The following GCNA variants were observed in gnomAD, a reference collection of about 807,000 sequenced individuals.
GCNA encodes germ cell nuclear acidic peptidase, also known as germ cell nuclear acidic protein.
In GCNA, 3 loss-of-function variants were observed where a neutral mutation model predicts 38.8. That is an observed-to-expected ratio of 0.08 (90% confidence interval 0.04 to 0.20). GCNA has a LOEUF of 0.20. Ranked by LOEUF, GCNA falls within the 10% of genes least tolerant of loss-of-function variation. The pLI, the probability that GCNA is intolerant of heterozygous loss-of-function variation, is 1.00. For synonymous variants in GCNA, 195 were observed against 240.2 expected, an observed-to-expected ratio of 0.81 and a Z score of 1.74; for missense variants, 446 against 578.6, an observed-to-expected ratio of 0.77 and a Z score of 2.35.
chrX:71,594,106 G>A (rs771735733), intron 4 of GCNA, among the ~76,000 whole-genome samples: 33 of 112,367 alleles, frequency 2.9e-4, no homozygotes, highest in African/African-American at 8.1e-4. Flanking sequence ...CATTCTTCCC[G>A]TGTTTTTGAT....
chrX:71,593,888 T>C (rs2040649420), intron 4 of GCNA, among the ~76,000 whole-genome samples: 2 of 108,448 alleles, frequency 1.8e-5, no homozygotes, highest in African/African-American at 6.7e-5. Context: ...TCTTGCTGTG[T>C]CGCCCACACT....
intron 9 of GCNA, among the ~76,000 whole-genome samples, chrX:71,606,841 G>A (rs1477939561): frequency 8.9e-6 from 1 of 112,083 alleles, no homozygotes; most frequent in African/African-American, 3.2e-5. Flanking sequence ...TAACTCCCAG[G>A]TTACTTTGCT....
intron 6 of GCNA, among the ~76,000 whole-genome samples, chrX:71,596,264 A>G (rs1178390108): frequency 1.8e-5 from 2 of 112,201 alleles, no homozygotes; most frequent in Non-Finnish European, 3.8e-5. Context: ...GAAATTCTAG[A>G]GCCAAATAAT....
At chrX:71,578,912 GGA>G in intron 1 of GCNA, among the ~76,000 whole-genome samples, 1 of 106,552 alleles carries the variant, frequency 9.4e-6, no homozygotes. Context: ...AGTGGCGGGT[GGA>G]GAGAAGTAGG....
At chrX:71,605,459 A>C (rs1359987691) in intron 8 of GCNA, among the ~76,000 whole-genome samples, 1 of 112,754 alleles carries the variant, frequency 8.9e-6, no homozygotes, top group Non-Finnish European at 1.9e-5. Context: ...TGCCCAGCTC[A>C]TGCTGCTGGC....
Position 71,604,263 on chromosome X carries a change from G to C in GCNA, c.986G>C (p.Ser329Thr), listed in dbSNP as rs201630116. Residue 329 changes from serine to threonine, a missense_variant, in exon 8 of 13, where the codon AGT becomes ACT. This residue lies in a region of GCNA where 160 missense variants were observed against 165.2 expected (regional missense o/e 0.97). Coordinates refer to ENST00000373696, the MANE Select transcript of GCNA (RefSeq NM_052957.5). Reference sequence around the variant, plus strand: ...GATTCGGATGTTCCCGATGACAATAGTGATGATTTGGAAGTTCCTGTGCCA... The same window carrying C: ...GATTCGGATGTTCCCGATGACAATACTGATGATTTGGAAGTTCCTGTGCCA... ...SDDSDVPDDN[S>T]DDLEVPVPAE... The C allele has an allele frequency of 8.3e-7, 1 of 1,211,452 alleles. No individual in the cohort carries two copies. Among genetic ancestry groups the C allele is most frequent in the East Asian group, 3.0e-5 (1 of 33,824 alleles).
At chrX:71,597,184 C>A (rs1481589772) in intron 6 of GCNA, among the ~76,000 whole-genome samples, 1 of 111,876 alleles carries the variant, frequency 8.9e-6, no homozygotes, top group Non-Finnish European at 1.9e-5. Context: ...AGCAAAGGCA[C>A]ATCAACTTGG....
chrX:71,588,995 T>C (rs1483280999), intron 2 of GCNA, among the ~76,000 whole-genome samples: 1 of 107,682 alleles, frequency 9.3e-6, no homozygotes. Flanking sequence ...CTTGAGTAGC[T>C]GGGAGGATCC....
intron 6 of GCNA, among the ~76,000 whole-genome samples, chrX:71,596,015 A>T (rs1322552639): frequency 8.9e-6 from 1 of 112,042 alleles, no homozygotes; most frequent in Non-Finnish European, 1.9e-5. Flanking sequence ...CAGGAGTTCA[A>T]GACCAGCCTG....
chrX:71,612,015 G>A (rs2040814225), intron 11 of GCNA, among the ~76,000 whole-genome samples: 1 of 108,768 alleles, frequency 9.2e-6, no homozygotes, highest in African/African-American at 3.4e-5. Flanking sequence ...GCTCACGCCT[G>A]TAATCCCAGC....
intron 2 of GCNA, among the ~76,000 whole-genome samples, chrX:71,586,398 C>T (rs2040585950): frequency 9.1e-6 from 1 of 110,191 alleles, no homozygotes; most frequent in Non-Finnish European, 1.9e-5. Flanking sequence ...AATAATGTGT[C>T]TTAGATGAAA....
rs149838487 is a variant in GCNA at position 71,582,770 on chromosome X, C to T, written c.59+1890C>T. Among the ~76,000 whole-genome samples, 1,096 of 111,931 alleles carry T rather than the reference C, an allele frequency of 9.8e-3. 13 individuals are homozygous for T. Among genetic ancestry groups the T allele is most frequent in the African/African-American group, 0.033 (1,004 of 30,829 alleles). Reference sequence around the variant, plus strand: ...TTTCCCCTTCTCCCATGGCCTTTCTCCCTGTAACCCATGCTAAATATTTAT... The same window carrying T: ...TTTCCCCTTCTCCCATGGCCTTTCTTCCTGTAACCCATGCTAAATATTTAT... On this transcript the variant is annotated intron_variant, in intron 2 of 12. Coordinates refer to ENST00000373696, the MANE Select transcript of GCNA (RefSeq NM_052957.5).
chrX:71,593,137 A>G (rs1208326287), intron 4 of GCNA, among the ~76,000 whole-genome samples: 13 of 111,674 alleles, frequency 1.2e-4, no homozygotes, highest in Non-Finnish European at 9.4e-5. Context: ...CAAGTGATCC[A>G]CCTGCCTTGG....
At chrX:71,612,641 C>A in intron 12 of GCNA, 82 bp downstream of exon 12, 1 of 931,141 alleles carries the variant, frequency 1.1e-6, no homozygotes, top group Non-Finnish European at 1.5e-6. Context: ...AAGTAGATGG[C>A]TGTCTGAACT....
intron 10 of GCNA, 86 bp from the exon 11 acceptor site, chrX:71,610,595 A>G (rs1327743990): frequency 4.5e-6 from 5 of 1,099,386 alleles, no homozygotes; most frequent in Middle Eastern, 2.5e-4. Context: ...CCTGGGCAAC[A>G]AGAGCTAAAA....
chrX:71,613,241 T>C lies in GCNA; in HGVS notation c.*259T>C. 3.1e-6 allele frequency: 1 copy of C among 321,278 alleles called. No individual in the cohort carries two copies. Among genetic ancestry groups the C allele is most frequent in the Non-Finnish European group, 5.4e-6 (1 of 184,746 alleles). The allele number at this position is 321,278 out of a possible 1,213,427, so 26.5% of individuals were successfully genotyped here. A position where few individuals can be genotyped will look rare whatever the true frequency, so the allele number is the denominator to read the frequency against. On this transcript the variant is annotated 3_prime_UTR_variant, in exon 13 of 13. Transcript: ENST00000373696. ...TGTTAGAATTTAAGATTCATGTTAT[T>C]AACGATGATTGACCTTAAATAGGGA...
intron 9 of GCNA, among the ~76,000 whole-genome samples, chrX:71,606,985 T>C (rs1045969049): frequency 1.8e-5 from 2 of 112,051 alleles, no homozygotes; most frequent in Non-Finnish European, 3.8e-5. Flanking sequence ...CTTCCTGTTA[T>C]GCTTAGCATT....
chrX:71,594,370 T>C lies in GCNA; in HGVS notation c.180T>C (p.Ser60=). 8.3e-7 allele frequency: 1 copy of C among 1,202,654 alleles called. No homozygotes were observed. The highest frequency in any genetic ancestry group is 1.8e-5 in the South Asian group (1 of 56,256). The change falls in exon 5 of 13, where the codon AGT becomes AGC. Residue 60 remains serine (S), a synonymous_variant. Coordinates refer to ENST00000373696, the MANE Select transcript of GCNA (RefSeq NM_052957.5). ...LNVQSRSGDT[S]GSSVARRAPK... ...TCCAGTCAAGGAGTGGTGACACCAG[T>C]GGGTCTTGTAAGTAGAGTCCACTCA...
intron 2 of GCNA, among the ~76,000 whole-genome samples, chrX:71,585,472 G>C (rs2040578854): frequency 9.0e-6 from 1 of 110,736 alleles, no homozygotes; most frequent in African/African-American, 3.3e-5. Flanking sequence ...TTGTGAATTT[G>C]GTTGACAGGA....
Sources: allele counts gnomAD v4.1 joint callset (sites outside exome capture counted in the v4.1 genomes callset), GRCh38; gene constraint gnomAD v4.1.1; regional missense constraint gnomAD v4.1.1; transcripts MANE v1.5; gene names NCBI Gene and HGNC (gene_info 2026-07-23, HGNC 2026-07-21).